NRXN3: variants seen among roughly 807,000 people sequenced by gnomAD.
NRXN3 encodes the protein neurexin III.
Under a neutral mutation model 137.6 loss-of-function variants are expected in NRXN3, and 32 were observed. The ratio of observed to expected loss-of-function variants is 0.23; its 90% CI spans 0.18 to 0.31. The LOEUF (loss-of-function observed/expected upper bound fraction) is 0.31, where lower values mean the gene tolerates loss of function less well. Ranked by LOEUF, NRXN3 falls within the 10% of genes least tolerant of loss-of-function variation. NRXN3 has a pLI of 1.00. For missense variants in NRXN3, 1,574 were observed against 2,062.5 expected, an observed-to-expected ratio of 0.76 and a Z score of 4.59; for synonymous variants, 798 against 784.5, an observed-to-expected ratio of 1.02 and a Z score of -0.29.
intron 10 of NRXN3, among the ~76,000 whole-genome samples, chr14:78,865,384 G>A (rs1024804286): frequency 6.6e-6 from 1 of 152,120 alleles, no homozygotes; most frequent in South Asian, 2.1e-4. Context: ...AAAGTAAGAA[G>A]GTTCAATGTG....
intron 10 of NRXN3, among the ~76,000 whole-genome samples, chr14:78,914,246 A>G (rs1482181568): frequency 6.6e-6 from 1 of 152,222 alleles, no homozygotes; most frequent in African/African-American, 2.4e-5. Context: ...CAATTGAATC[A>G]ATGTATTCTG....
At chr14:79,835,507 T>C (rs574383108) in intron 20 of NRXN3, among the ~76,000 whole-genome samples, 14 of 152,310 alleles carry the variant, frequency 9.2e-5, no homozygotes, top group Non-Finnish European at 1.0e-4. Context: ...CAGCATCTCA[T>C]GATTTTGATT....
At chr14:79,139,299 A>G (rs889013762) in intron 15 of NRXN3, among the ~76,000 whole-genome samples, 12 of 152,248 alleles carry the variant, frequency 7.9e-5, no homozygotes, top group African/African-American at 2.6e-4. Context: ...CTATCTTGTC[A>G]CAGAAGACTT....
At chr14:79,556,670 C>T (rs909969619) in intron 16 of NRXN3, among the ~76,000 whole-genome samples, 1 of 152,176 alleles carries the variant, frequency 6.6e-6, no homozygotes, top group Admixed American at 6.6e-5. Context: ...ATCCTCCTGC[C>T]TCAGCCTCCC....
intron 4 of NRXN3, among the ~76,000 whole-genome samples, chr14:78,545,417 C>T (rs550648514): frequency 1.3e-5 from 2 of 152,234 alleles, no homozygotes; most frequent in African/African-American, 2.4e-5. Context: ...GATGTCTCCC[C>T]TCTTCTCCTT....
intron 15 of NRXN3, among the ~76,000 whole-genome samples, chr14:79,308,904 T>A (rs2086653042): frequency 1.4e-5 from 2 of 142,320 alleles, no homozygotes; most frequent in African/African-American, 5.1e-5. Flanking sequence ...TTTTTTATTT[T>A]ATTTATTTAT....
intron 19 of NRXN3, among the ~76,000 whole-genome samples, chr14:79,718,075 C>T (rs1250146350): frequency 6.6e-6 from 1 of 152,142 alleles, no homozygotes. Flanking sequence ...ATATAATATG[C>T]AGGGACAAGT....
intron 2 of NRXN3, among the ~76,000 whole-genome samples, chr14:78,273,717 T>G (rs868083676): frequency 3.9e-5 from 6 of 152,082 alleles, no homozygotes; most frequent in African/African-American, 1.2e-4. Context: ...AGACAAAAAG[T>G]GGGGGCAGAT....
chr14:78,541,185 T>TCTC (rs1351773137), intron 4 of NRXN3, among the ~76,000 whole-genome samples: 3 of 151,694 alleles, frequency 2.0e-5, no homozygotes, highest in Admixed American at 2.0e-4. Context: ...TTGGGGAAGT[T>TCTC]CTGGATAATA....
chr14:79,777,254 G>C (rs905668071), intron 19 of NRXN3, among the ~76,000 whole-genome samples: 1 of 152,174 alleles, frequency 6.6e-6, no homozygotes, highest in African/African-American at 2.4e-5. Flanking sequence ...CTGTAAGGCA[G>C]TTTCTGTTTC....
At chr14:79,407,288 C>G in intron 15 of NRXN3, among the ~76,000 whole-genome samples, 1 of 152,084 alleles carries the variant, frequency 6.6e-6, no homozygotes, top group Admixed American at 6.6e-5. Flanking sequence ...AATAAATGCT[C>G]AGTATTTGAG....
chr14:78,254,583 G>A (rs552745362), intron 2 of NRXN3, among the ~76,000 whole-genome samples: 3 of 151,980 alleles, frequency 2.0e-5, no homozygotes, highest in Admixed American at 1.3e-4. Context: ...GGAGGCTGAG[G>A]CAGGAGAATC....
At chr14:78,711,083 A>G (rs1181181764) in intron 7 of NRXN3, among the ~76,000 whole-genome samples, 1 of 152,094 alleles carries the variant, frequency 6.6e-6, no homozygotes, top group Admixed American at 6.6e-5. Flanking sequence ...GCAGAGTCAG[A>G]AAGCTGTTCC....
At chr14:79,618,121 A>T (rs1337864433) in intron 16 of NRXN3, among the ~76,000 whole-genome samples, 2 of 152,240 alleles carry the variant, frequency 1.3e-5, no homozygotes, top group East Asian at 3.9e-4. Flanking sequence ...CAGAAGTAAG[A>T]TAATATTCCT....
chr14:78,364,403 A>G (rs2085588273), intron 4 of NRXN3, among the ~76,000 whole-genome samples: 1 of 152,230 alleles, frequency 6.6e-6, no homozygotes, highest in Admixed American at 6.5e-5. Flanking sequence ...CACCTGCTGA[A>G]CAACAGTTTC....
At chr14:79,168,713 T>A (rs1254485470) in intron 15 of NRXN3, among the ~76,000 whole-genome samples, 1 of 152,066 alleles carries the variant, frequency 6.6e-6, no homozygotes, top group Admixed American at 6.6e-5. Context: ...TGTGATGACT[T>A]TCACTACATT....
At chr14:78,718,758 C>T (rs927973252) in intron 8 of NRXN3, among the ~76,000 whole-genome samples, 2 of 152,180 alleles carry the variant, frequency 1.3e-5, no homozygotes, top group East Asian at 3.9e-4. Flanking sequence ...GCTGTCTCTA[C>T]CTATCCCAAC....
At position 78,755,191 on chromosome 14, in the gene NRXN3, T is replaced by C. The variant is rs907659351; in HGVS notation, c.2044+40052T>C. 6.3e-5 allele frequency among the ~76,000 whole-genome samples: 4 copies of C among 63,806 alleles called. No homozygotes were observed. The East Asian group carries it at 1.5e-3, about 24-fold the overall frequency. 41.9% of individuals were successfully genotyped at this position (63,806 alleles called of 152,430 possible). A position where few individuals can be genotyped will look rare whatever the true frequency, so the allele number is the denominator to read the frequency against. On this transcript the variant is annotated intron_variant, in intron 8 of 20. Transcript: ENST00000335750. ...CCACCATGCCTGGCTAGTTTTTGTA[T>C]TTTTTTTTTTTTTTTTTTAGAAATG... is the stretch of plus-strand genomic sequence containing the variant.
At chr14:78,971,105 C>T (rs533930371) in intron 14 of NRXN3, among the ~76,000 whole-genome samples, 1 of 151,972 alleles carries the variant, frequency 6.6e-6, no homozygotes, top group Admixed American at 6.5e-5. Context: ...GTGAATAAGC[C>T]CTTGCAAGAG....
Sources: gnomAD v4.1 joint callset for allele counts (sites outside exome capture counted in the v4.1 genomes callset) on GRCh38, gnomAD v4.1.1 for gene constraint, MANE v1.5 for transcripts, NCBI Gene and HGNC (gene_info 2026-07-23, HGNC 2026-07-21) for gene names.